Variants in ALKBH8 observed in about 807,000 individuals in gnomAD.
The protein encoded by ALKBH8 is alkB homolog 8, tRNA methyltransferase, also known as tRNA (carboxymethyluridine(34)-5-O)-methyltransferase ALKBH8.
In ALKBH8, 36 loss-of-function variants were observed where a neutral mutation model predicts 59.8. That is an observed-to-expected ratio of 0.60 (90% CI 0.46 to 0.79). ALKBH8 has a LOEUF of 0.79. Among genes scored for constraint, ALKBH8 ranks in the 30% least tolerant of loss-of-function variants. ALKBH8 has a pLI of 0.00. For missense variants in ALKBH8, 768 were observed against 801.0 expected, an observed-to-expected ratio of 0.96 and a Z score of 0.50; for synonymous variants, 276 against 273.6, an observed-to-expected ratio of 1.01 and a Z score of -0.09.
Position 107,532,316 on chromosome 11 carries a change from A to G in ALKBH8, c.862T>C (p.Tyr288His), listed in dbSNP as rs748592614. ...SLLVMTGESR[Y>H]LWTHGITCRK... ...AATACATACCCATGGGTCCAAAGGT[A>G]TCTAGATTCTCCTGTCATCACCAGC... Residue 288 changes from tyrosine to histidine, a missense_variant, in exon 8 of 12, where the codon TAC becomes CAC. Transcript: ENST00000428149. 1.2e-6 allele frequency: 2 copies of G among 1,613,118 alleles called. No homozygotes were observed. Among genetic ancestry groups the G allele is most frequent in the Non-Finnish European group, 1.7e-6 (2 of 1,179,388 alleles).
intron 7 of ALKBH8, among the ~76,000 whole-genome samples, chr11:107,547,553 A>C (rs1314151503): frequency 6.6e-6 from 1 of 152,222 alleles, no homozygotes; most frequent in African/African-American, 2.4e-5. Flanking sequence ...TCAGCCAGGA[A>C]AGAAATATTA....
Position 107,553,844 on chromosome 11 carries a change from TAC to T in ALKBH8, c.499+1_499+2del. 6.2e-7 allele frequency: 1 copy of T among 1,606,966 alleles called. No homozygotes were observed. Among genetic ancestry groups the T allele is most frequent in the Non-Finnish European group, 8.5e-7 (1 of 1,177,766 alleles). ...AATATCAGATTTTGAAAGTTTTACT[TAC>T]AGTTTTGATTGTCTGTATCTTCTGT... is the stretch of plus-strand genomic sequence containing the variant. On this transcript the variant is annotated splice_donor_variant, in intron 4 of 11. Coordinates refer to ENST00000428149, the MANE Select transcript of ALKBH8 (RefSeq NM_138775.3). LOFTEE classifies it high-confidence loss of function.
Position 107,551,915 on chromosome 11 carries a change from A to G in ALKBH8, c.596-3T>C, listed in dbSNP as rs774111856. On this transcript the variant is annotated splice_region_variant and splice_polypyrimidine_tract_variant and intron_variant, in intron 5 of 11. Coordinates refer to ENST00000428149, the MANE Select transcript of ALKBH8 (RefSeq NM_138775.3). The stretch of plus-strand genomic sequence containing the variant: ...GCTTTCACAAATGTCAGGAAGACCT[A>G]CAATGAGTAATCATAAAGACAAAAC... The G allele has an allele frequency of 1.4e-6, 2 of 1,455,032 alleles. No homozygotes were observed. The highest frequency in any genetic ancestry group is 1.8e-6 in the Non-Finnish European group (2 of 1,094,230). 90.1% of individuals were successfully genotyped at this position (1,455,032 alleles called of 1,614,324 possible).
At chr11:107,526,556 T>C (rs1040831605) in intron 8 of ALKBH8, among the ~76,000 whole-genome samples, 26 of 152,122 alleles carry the variant, frequency 1.7e-4, no homozygotes, top group Non-Finnish European at 3.8e-4. Context: ...CAATGGTATC[T>C]TTAGATGAGC....
intron 3 of ALKBH8, among the ~76,000 whole-genome samples, chr11:107,554,442 C>T (rs1864623628): frequency 2.0e-5 from 3 of 152,012 alleles, no homozygotes; most frequent in Non-Finnish European, 4.4e-5. Flanking sequence ...TACAAAATAT[C>T]ATTTATGAAG....
At chr11:107,518,461 T>G (rs541549432) in intron 10 of ALKBH8, among the ~76,000 whole-genome samples, 2 of 152,184 alleles carry the variant, frequency 1.3e-5, no homozygotes, top group Admixed American at 6.5e-5. Flanking sequence ...AAACTGGCCA[T>G]AAACAAAATC....
chr11:107,520,850 T>C (rs1463135782), intron 10 of ALKBH8, among the ~76,000 whole-genome samples: 5 of 152,056 alleles, frequency 3.3e-5, no homozygotes, highest in African/African-American at 9.7e-5. Flanking sequence ...AATCTATGAG[T>C]TGCACATCCA....
Position 107,503,507 on chromosome 11 carries a change from A to G in ALKBH8, c.*1151T>C, listed in dbSNP as rs1591232324. On this transcript the variant is annotated 3_prime_UTR_variant, in exon 12 of 12. Transcript: ENST00000428149. ...TCAAAAAATTTTTTCTTTGAAAAAA[A>G]GCCTTTTCCTTCTATGTGATAATTT... 3 of 152,224 alleles carry G rather than the reference A, an allele frequency of 2.0e-5. No homozygotes were observed. The highest frequency in any genetic ancestry group is 2.1e-4 in the South Asian group (1 of 4,832). The allele number at this position is 152,224 out of a possible 1,614,324, so 9.4% of individuals were successfully genotyped here.
At chr11:107,518,820 G>GT (rs1256370836) in intron 10 of ALKBH8, among the ~76,000 whole-genome samples, 1 of 112,228 alleles carries the variant, frequency 8.9e-6, no homozygotes, top group Non-Finnish European at 1.9e-5. Flanking sequence ...AAATCTCTGG[G>GT]GCTCTCAGCT....
chr11:107,556,387 C>T (rs17107132), intron 3 of ALKBH8, among the ~76,000 whole-genome samples: 3,868 of 152,210 alleles, frequency 0.025, 149 homozygotes, highest in African/African-American at 0.084. Flanking sequence ...ATTTGGATCA[C>T]GATTCATTCT....
chr11:107,536,738 C>G (rs776011687), intron 7 of ALKBH8, among the ~76,000 whole-genome samples: 3 of 152,130 alleles, frequency 2.0e-5, no homozygotes, highest in Non-Finnish European at 4.4e-5. Flanking sequence ...TAGCTAGTAC[C>G]AAGTCAGAGT....
Position 107,504,809 on chromosome 11 carries a change from C to T in ALKBH8, c.1844G>A (p.Gly615Glu), listed in dbSNP as rs1403380693. The change falls in exon 12 of 12, where the codon GGA (glycine) becomes GAA (glutamate). Residue 615 changes from glycine to glutamate, a missense_variant. By Grantham distance (98) the Gly-to-Glu change is moderately conservative. Coordinates refer to ENST00000428149, the MANE Select transcript of ALKBH8 (RefSeq NM_138775.3). ...AAACACAGGACTTGGGTCCTGGGAT[C>T]CTATGGGACCAAATGGCTCAACAGG... is the stretch of plus-strand genomic sequence containing the variant. ...GKPVEPFGPIGSQDPSPVFHR... is the reference protein window; with the variant it reads ...GKPVEPFGPIESQDPSPVFHR... 1 of 1,551,834 alleles carries T rather than the reference C, an allele frequency of 6.4e-7. No individual in the cohort carries two copies. The highest frequency in any genetic ancestry group is 2.0e-5 in the Admixed American group (1 of 50,994).
chr11:107,522,849 G>A (rs1440039327), intron 9 of ALKBH8, among the ~76,000 whole-genome samples: 1 of 152,072 alleles, frequency 6.6e-6, no homozygotes, highest in African/African-American at 2.4e-5. Context: ...GATAAGAAGA[G>A]AAGGGAGCTC....
Position 107,556,989 on chromosome 11 carries a change from G to A in ALKBH8, c.144C>T (p.Ala48=). 1 of 1,579,892 alleles carries A rather than the reference G, an allele frequency of 6.3e-7. No individual in the cohort carries two copies. ...TCACACCATTACCCAAACCACCATTGGCAACAACCAGGCTCTTAAAAAACA... is the reference window on the plus strand; with the variant it reads ...TCACACCATTACCCAAACCACCATTAGCAACAACCAGGCTCTTAAAAAACA... ...VSYATQSLVV[A]NGGLGNGVSR... The change falls in exon 3 of 12, where the codon GCC becomes GCT. Residue 48 remains alanine, a synonymous_variant. Coordinates refer to ENST00000428149, the MANE Select transcript of ALKBH8 (RefSeq NM_138775.3).
intron 10 of ALKBH8, among the ~76,000 whole-genome samples, 164 bp downstream of exon 10, chr11:107,522,135 T>C (rs964373694): frequency 6.6e-6 from 1 of 152,148 alleles, no homozygotes; most frequent in African/African-American, 2.4e-5. Context: ...TGCCCATAAA[T>C]TCCTAGAGGA....
At position 107,561,557 on chromosome 11, in the gene ALKBH8, T is replaced by C. The variant is rs144120399; in HGVS notation, c.-6-658A>G. 4.6e-3 allele frequency among the ~76,000 whole-genome samples: 694 copies of C among 152,322 alleles called. 4 individuals carry two copies. Among genetic ancestry groups the C allele is most frequent in the African/African-American group, 0.015 (641 of 41,568 alleles). Reference sequence around the variant, plus strand: ...ACTATTTTAAAAACTGTATGTGTCATATATTTTATATCTACAATTTTTTAA... The same window carrying C: ...ACTATTTTAAAAACTGTATGTGTCACATATTTTATATCTACAATTTTTTAA... On this transcript the variant is annotated intron_variant, in intron 1 of 11. Transcript: ENST00000428149.
chr11:107,504,709 C>T lies in ALKBH8; in HGVS notation c.1944G>A (p.Leu648=). The T allele has an allele frequency of 6.4e-7, 1 of 1,551,178 alleles. No individual in the cohort carries two copies. Among genetic ancestry groups the T allele is most frequent in the Non-Finnish European group, 8.7e-7 (1 of 1,146,726 alleles). The change falls in exon 12 of 12, where the codon CTG becomes CTA. Residue 648 remains leucine, a synonymous_variant. Coordinates refer to ENST00000428149, the MANE Select transcript of ALKBH8 (RefSeq NM_138775.3). ...ACRTVSDVRI[L]QSYYDQGNWC... ...AGTTTCCTTGATCGTAGTAGCTTTG[C>T]AGAATTCTGACATCACTCACAGTCC...
At chr11:107,533,229 G>A (rs1003727687) in intron 7 of ALKBH8, among the ~76,000 whole-genome samples, 3 of 152,036 alleles carry the variant, frequency 2.0e-5, no homozygotes, top group African/African-American at 7.2e-5. Flanking sequence ...TTACTATAGG[G>A]CTGAAAACTA....
At chr11:107,557,076 A>G in intron 2 of ALKBH8, 73 bp from the exon 3 acceptor site, 1 of 1,124,064 alleles carries the variant, frequency 8.9e-7, no homozygotes, top group Non-Finnish European at 1.2e-6. Context: ...TTTTAAAATA[A>G]GATTTTTTTT....
Sources: gnomAD v4.1 joint callset for allele counts (sites outside exome capture counted in the v4.1 genomes callset) on GRCh38, gnomAD v4.1.1 for gene constraint, MANE v1.5 for transcripts, NCBI Gene and HGNC (gene_info 2026-07-23, HGNC 2026-07-21) for gene names.